XNDC1N: variants seen among roughly 807,000 people sequenced by gnomAD.
XNDC1N encodes XRCC1 N-terminal domain containing 1, N-terminal like, also known as protein XNDC1N.
chr11:71,891,552 C>T, the XNDC1N span, among the ~76,000 whole-genome samples: 1 of 152,058 alleles, frequency 6.6e-6, no homozygotes, highest in Non-Finnish European at 1.5e-5. Flanking sequence ...CCTCTCCCGA[C>T]CTGGATACAG....
the XNDC1N span, among the ~76,000 whole-genome samples, chr11:71,867,124 T>C: frequency 1.3e-5 from 2 of 151,886 alleles, no homozygotes; most frequent in Non-Finnish European, 2.9e-5. Context: ...AGAGCAATAC[T>C]ATGAACACTA....
chr11:71,916,339 A>G, the XNDC1N span: 11 of 666,634 alleles, frequency 1.7e-5, no homozygotes, highest in East Asian at 3.0e-4. Context: ...ATACTAAGGA[A>G]AAGAGCTATA....
the XNDC1N span, among the ~76,000 whole-genome samples, chr11:71,902,178 C>T: frequency 1.4e-5 from 2 of 144,416 alleles, no homozygotes; most frequent in African/African-American, 2.9e-5. Flanking sequence ...GTGACTTTGA[C>T]TTACTTGATT....
At chr11:71,874,883 A>G in the XNDC1N span, among the ~76,000 whole-genome samples, 4 of 152,074 alleles carry the variant, frequency 2.6e-5, no homozygotes. Context: ...GTTATTATCC[A>G]TTTTTTACCT....
the XNDC1N span, among the ~76,000 whole-genome samples, chr11:71,869,033 C>T: frequency 6.6e-6 from 1 of 151,732 alleles, no homozygotes; most frequent in Non-Finnish European, 1.5e-5. Flanking sequence ...TTCTGAGATT[C>T]TTCCCTCAGC....
the XNDC1N span, among the ~76,000 whole-genome samples, chr11:71,922,923 G>T: frequency 6.6e-6 from 1 of 152,168 alleles, no homozygotes; most frequent in Admixed American, 6.5e-5. Context: ...AGGAGGCTGA[G>T]ATCACACTTG....
At chr11:71,924,858 G>A in the XNDC1N span, among the ~76,000 whole-genome samples, 87 of 152,214 alleles carry the variant, frequency 5.7e-4, no homozygotes, top group Admixed American at 1.7e-3. Context: ...AGTTGTCTGA[G>A]TGTCTTTAGG....
the XNDC1N span, among the ~76,000 whole-genome samples, chr11:71,868,666 T>A: frequency 6.6e-6 from 1 of 152,232 alleles, no homozygotes; most frequent in Admixed American, 6.5e-5. Context: ...CCTAATGGGA[T>A]TCCCTTTGTG....
the XNDC1N span, among the ~76,000 whole-genome samples, chr11:71,912,136 G>A: frequency 3.8e-4 from 58 of 152,286 alleles, no homozygotes; most frequent in East Asian, 7.5e-3. Flanking sequence ...TTGCCAAAAC[G>A]GTGAGGCAGC....
chr11:71,919,220 C>G, the XNDC1N span, among the ~76,000 whole-genome samples: 1 of 152,090 alleles, frequency 6.6e-6, no homozygotes, highest in Non-Finnish European at 1.5e-5. Context: ...TTCTCTATCC[C>G]ATTTACCAGA....
At chr11:71,894,865 C>T in the XNDC1N span, among the ~76,000 whole-genome samples, 1 of 152,204 alleles carries the variant, frequency 6.6e-6, no homozygotes, top group Non-Finnish European at 1.5e-5. Flanking sequence ...GGTGACGTTT[C>T]CAAGAGACTT....
chr11:71,898,596 G>A, the XNDC1N span, among the ~76,000 whole-genome samples: 1 of 152,210 alleles, frequency 6.6e-6, no homozygotes, highest in Non-Finnish European at 1.5e-5. Context: ...GACAGAGAAA[G>A]ACTCTGTTTC....
chr11:71,867,568 G>T, the XNDC1N span, among the ~76,000 whole-genome samples: 1 of 152,132 alleles, frequency 6.6e-6, no homozygotes, highest in Non-Finnish European at 1.5e-5. Flanking sequence ...TTCAGGAGCA[G>T]GTTGTTTAAT....
At chr11:71,886,361 T>C in the XNDC1N span, among the ~76,000 whole-genome samples, 5 of 151,932 alleles carry the variant, frequency 3.3e-5, no homozygotes, top group East Asian at 1.9e-4. Flanking sequence ...TAGAGGAACA[T>C]GCACCAGCTG....
the XNDC1N span, chr11:71,884,581 T>C: frequency 6.3e-7 from 1 of 1,585,882 alleles, no homozygotes; most frequent in Non-Finnish European, 8.6e-7. Flanking sequence ...CTCCATCTTC[T>C]TCAGACTCCA....
At chr11:71,912,863 C>T in the XNDC1N span, among the ~76,000 whole-genome samples, 1 of 152,110 alleles carries the variant, frequency 6.6e-6, no homozygotes, top group Non-Finnish European at 1.5e-5. Flanking sequence ...TAGTATCATC[C>T]TCTCCCCCTT....
chr11:71,880,704 TTG>T, the XNDC1N span, among the ~76,000 whole-genome samples: 6 of 152,180 alleles, frequency 3.9e-5, no homozygotes, highest in African/African-American at 1.4e-4. Context: ...CTTTGGTATG[TTG>T]TGTTTCCATT....
the XNDC1N span, among the ~76,000 whole-genome samples, chr11:71,892,777 G>A: frequency 7.9e-5 from 12 of 152,136 alleles, no homozygotes; most frequent in African/African-American, 9.6e-5. Flanking sequence ...AGCCTCGGCC[G>A]CCCAAAGTGC....
At chr11:71,866,107 T>C in the XNDC1N span, among the ~76,000 whole-genome samples, 1 of 151,546 alleles carries the variant, frequency 6.6e-6, no homozygotes, top group Non-Finnish European at 1.5e-5. Context: ...AGATGAATTA[T>C]GTCTCTTTAT....
Sources: gnomAD v4.1 joint callset for allele counts (sites outside exome capture counted in the v4.1 genomes callset) on GRCh38, gnomAD v4.1.1 for gene constraint, MANE v1.5 for transcripts, NCBI Gene and HGNC (gene_info 2026-07-23, HGNC 2026-07-21) for gene names.